OXCT1: variants seen among roughly 807,000 people sequenced by gnomAD.
The protein encoded by OXCT1 is 3-oxoacid CoA-transferase 1.
Under a neutral mutation model 69.6 loss-of-function variants are expected in OXCT1, and 27 were observed. The ratio of observed to expected loss-of-function variants is 0.39; its 90% CI spans 0.29 to 0.54. OXCT1 has a LOEUF of 0.54. Ranked by LOEUF, OXCT1 falls within the 20% of genes least tolerant of loss-of-function variation. The pLI is 0.72. For missense variants in OXCT1, 437 were observed against 650.2 expected, an observed-to-expected ratio of 0.67 and a Z score of 3.57; for synonymous variants, 202 against 217.8, an observed-to-expected ratio of 0.93 and a Z score of 0.64.
At chr5:41,866,726 A>T (rs1263566951) in intron 1 of OXCT1, among the ~76,000 whole-genome samples, 1 of 152,236 alleles carries the variant, frequency 6.6e-6, no homozygotes, top group Non-Finnish European at 1.5e-5. Flanking sequence ...TTACAACACT[A>T]GGCAATTCTC....
intron 7 of OXCT1, among the ~76,000 whole-genome samples, chr5:41,814,743 G>A (rs1220764071): frequency 9.0e-6 from 1 of 110,954 alleles, no homozygotes; most frequent in Non-Finnish European, 1.8e-5. Context: ...GGGGAGGGGG[G>A]AGGGATAGCA....
Position 41,853,454 on chromosome 5 carries a change from A to C in OXCT1, c.379T>G (p.Leu127Val), listed in dbSNP as rs1471119703. 6.2e-7 allele frequency: 1 copy of C among 1,613,772 alleles called. No homozygotes were observed. Among genetic ancestry groups the C allele is most frequent in the African/African-American group, 1.3e-5 (1 of 74,914 alleles). Residue 127 changes from leucine to valine, a missense_variant, in exon 4 of 17, where the codon TTA becomes GTA. By Grantham distance (32) the Leu-to-Val change is conservative. Around this residue, in one of 4 missense-constraint regions of OXCT1, gnomAD observed 252 missense variants for 397.4 expected, o/e 0.63. Transcript: ENST00000196371. ...AGCTCCACTTCTAATTCACCAGATA[A>C]GTACTGTCGTTCAAATTCTGCATTT... ...GENAEFERQY[L>V]SGELEVELTP...
intron 16 of OXCT1, among the ~76,000 whole-genome samples, chr5:41,733,255 T>C (rs1287894999): frequency 6.6e-6 from 1 of 151,328 alleles, no homozygotes; most frequent in Non-Finnish European, 1.5e-5. Context: ...TTTTTTTTTT[T>C]TTTTTTTTGA....
At chr5:41,801,781 A>ACT (rs1030966295) in intron 10 of OXCT1, among the ~76,000 whole-genome samples, 4 of 152,110 alleles carry the variant, frequency 2.6e-5, no homozygotes, top group African/African-American at 9.7e-5. Context: ...TACTCTCAGT[A>ACT]AAGTTTTTAA....
At chr5:41,807,210 C>T (rs940541375) in intron 8 of OXCT1, 121 bp downstream of exon 8, 1 of 703,432 alleles carries the variant, frequency 1.4e-6, no homozygotes, top group Non-Finnish European at 2.6e-6. Flanking sequence ...GAAGCTCTTA[C>T]TAAGATCCAA....
intron 16 of OXCT1, among the ~76,000 whole-genome samples, chr5:41,735,755 C>A (rs1742855360): frequency 6.6e-6 from 1 of 152,130 alleles, no homozygotes; most frequent in Non-Finnish European, 1.5e-5. Flanking sequence ...ATGTAACTAC[C>A]CTGACCTCCG....
In OXCT1 at chr5:41,860,672, C is replaced by G. The variant is rs572241232; in HGVS notation, c.278+642G>C. ...CCTTAAAGTCTTTAATTGTTGAGAGCTGATGACTTACCATTTTGTAAAAAT... is the reference window on the plus strand; with the variant it reads ...CCTTAAAGTCTTTAATTGTTGAGAGGTGATGACTTACCATTTTGTAAAAAT... On this transcript the variant is annotated intron_variant, in intron 3 of 16. Coordinates refer to ENST00000196371, the MANE Select transcript of OXCT1 (RefSeq NM_000436.4). Among the ~76,000 whole-genome samples the G allele has an allele frequency of 2.0e-5, 3 of 152,216 alleles. No homozygotes were observed. In the South Asian group the frequency reaches 6.2e-4, roughly 32 times the overall value.
chr5:41,868,893 G>A (rs1750137054), intron 1 of OXCT1, among the ~76,000 whole-genome samples: 2 of 152,164 alleles, frequency 1.3e-5, no homozygotes, highest in South Asian at 4.1e-4. Flanking sequence ...CTAAGATGAG[G>A]TTTGCTGAGC....
chr5:41,802,080 A>G (rs933444434), intron 10 of OXCT1, among the ~76,000 whole-genome samples: 1 of 152,106 alleles, frequency 6.6e-6, no homozygotes, highest in African/African-American at 2.4e-5. Context: ...CCTTTTCTTC[A>G]AAACCAGGAA....
At chr5:41,831,780 A>G (rs995342614) in intron 7 of OXCT1, among the ~76,000 whole-genome samples, 9 of 152,174 alleles carry the variant, frequency 5.9e-5, no homozygotes, top group African/African-American at 2.2e-4. Context: ...AAGGTACATT[A>G]TACTCCTCTG....
chr5:41,862,735 A>T lies in OXCT1; in HGVS notation c.94T>A (p.Phe32Ile). 1 of 1,607,154 alleles carries T rather than the reference A, an allele frequency of 6.2e-7. No individual in the cohort carries two copies. Among genetic ancestry groups the T allele is most frequent in the Non-Finnish European group, 8.5e-7 (1 of 1,173,934 alleles). The change falls in exon 2 of 17, where the codon TTT (phenylalanine) becomes ATT (isoleucine). Residue 32 changes from phenylalanine to isoleucine, a missense_variant. This residue lies in a region of OXCT1 where 79 missense variants were observed against 61.5 expected (regional missense o/e 1.28). Coordinates refer to ENST00000196371, the MANE Select transcript of OXCT1 (RefSeq NM_000436.4). ...ATWYKGCVCS[F>I]STSAHRHTKF... ...GTATGGCGATGAGCACTGGTGGAAA[A>T]GGAACAAACACATCCCTGAAATATT...
chr5:41,776,293 A>G (rs1745116562), intron 13 of OXCT1, among the ~76,000 whole-genome samples: 1 of 152,230 alleles, frequency 6.6e-6, no homozygotes, highest in Non-Finnish European at 1.5e-5. Context: ...CTAGGGAGCT[A>G]TGACAACTAA....
At chr5:41,734,212 C>G (rs983626636) in intron 16 of OXCT1, among the ~76,000 whole-genome samples, 6 of 152,172 alleles carry the variant, frequency 3.9e-5, no homozygotes, top group African/African-American at 1.2e-4. Flanking sequence ...TCATATTTTA[C>G]AGCTCAATAT....
intron 13 of OXCT1, among the ~76,000 whole-genome samples, chr5:41,770,241 C>T (rs1744818662): frequency 6.6e-6 from 1 of 151,928 alleles, no homozygotes; most frequent in Admixed American, 6.6e-5. Context: ...GTAATCAAAG[C>T]TAGGGACATT....
At chr5:41,844,219 G>T (rs995353149) in intron 5 of OXCT1, among the ~76,000 whole-genome samples, 1 of 152,182 alleles carries the variant, frequency 6.6e-6, no homozygotes, top group East Asian at 1.9e-4. Context: ...TCACTTGAAA[G>T]AATTCTACAT....
chr5:41,807,414 C>T lies in OXCT1; in HGVS notation c.757G>A (p.Ala253Thr). ...ATATGGATGTCTTCTGGAGCAAATG[C>T]TCCAATATCCACAATTTCTTCAACC... ...VEVEEIVDIG[A>T]FAPEDIHIPQ... The change falls in exon 8 of 17, where the codon GCA (alanine) becomes ACA (threonine). Residue 253 changes from alanine (A) to threonine (T), a missense_variant. Physicochemically the swap from Ala to Thr is moderately conservative, Grantham distance 58. Transcript: ENST00000196371. The T allele has an allele frequency of 6.2e-7, 1 of 1,601,010 alleles. No homozygotes were observed. The highest frequency in any genetic ancestry group is 8.6e-7 in the Non-Finnish European group (1 of 1,168,832).
chr5:41,768,139 C>T (rs1561060406), intron 13 of OXCT1, among the ~76,000 whole-genome samples: 1 of 152,118 alleles, frequency 6.6e-6, no homozygotes, highest in Non-Finnish European at 1.5e-5. Flanking sequence ...CAAAATTGTT[C>T]CTTTATTCCT....
chr5:41,745,966 G>C (rs576263403), intron 15 of OXCT1, among the ~76,000 whole-genome samples: 21 of 152,250 alleles, frequency 1.4e-4, no homozygotes, highest in African/African-American at 4.3e-4. Flanking sequence ...AATTCTACCA[G>C]AGGTACAAAG....
chr5:41,766,306 T>C (rs1744595281), intron 13 of OXCT1, among the ~76,000 whole-genome samples: 1 of 152,106 alleles, frequency 6.6e-6, no homozygotes, highest in Admixed American at 6.6e-5. Context: ...TTTCTAAAGA[T>C]ACTGATTCAA....
Sources: allele counts gnomAD v4.1 joint callset (sites outside exome capture counted in the v4.1 genomes callset), GRCh38; gene constraint gnomAD v4.1.1; regional missense constraint gnomAD v4.1.1; transcripts MANE v1.5; gene names NCBI Gene and HGNC (gene_info 2026-07-23, HGNC 2026-07-21).